The following CNTRL variants were observed in gnomAD, a reference collection of about 807,000 sequenced individuals.
CNTRL encodes the protein 110 kDa centrosomal protein.
Under a neutral mutation model 303.7 loss-of-function variants are expected in CNTRL, and 233 were observed. The observed-to-expected ratio is 0.77, with a 90% CI of 0.69 to 0.86. CNTRL has a LOEUF of 0.86. Among genes scored for constraint, CNTRL ranks in the 40% least tolerant of loss-of-function variants. The pLI is 0.00. For synonymous variants in CNTRL, 900 were observed against 922.2 expected, an observed-to-expected ratio of 0.98 and a Z score of 0.44; for missense variants, 2,524 against 2,650.6, an observed-to-expected ratio of 0.95 and a Z score of 1.05.
At chr9:121,132,611 T>C (rs951729914) in intron 14 of CNTRL, among the ~76,000 whole-genome samples, 1 of 152,236 alleles carries the variant, frequency 6.6e-6, no homozygotes, top group African/African-American at 2.4e-5. Flanking sequence ...TTGTTATTAC[T>C]GACCTTCTGA....
Position 121,088,473 on chromosome 9 carries a change from A to T in CNTRL, c.147A>T (p.Gly49=). 1 of 1,613,296 alleles carries T rather than the reference A, an allele frequency of 6.2e-7. No homozygotes were observed. Among genetic ancestry groups the T allele is most frequent in the Non-Finnish European group, 8.5e-7 (1 of 1,179,308 alleles). The part of the protein sequence containing the change: ...IGSETLPFHS[G]GQWCEQVEIA... ...CAGAGACTCTACCTTTTCATTCTGG[A>T]GGACAGTGGTGTGAGCAAGTTGAGA... is the stretch of plus-strand genomic sequence containing the variant. Residue 49 remains glycine (G), a synonymous_variant, in exon 3 of 44, where the codon GGA becomes GGT. Coordinates refer to ENST00000373855, the MANE Select transcript of CNTRL (RefSeq NM_007018.6).
chr9:121,123,874 T>A (rs1393320570), intron 12 of CNTRL, 57 bp from the exon 13 acceptor site: 4 of 1,327,918 alleles, frequency 3.0e-6, no homozygotes, highest in Non-Finnish European at 4.1e-6. Context: ...TAAGGGTTAT[T>A]ACTTTTAAAG....
chr9:121,145,801 CAGG>C (rs775644616), intron 22 of CNTRL, among the ~76,000 whole-genome samples: 3 of 152,118 alleles, frequency 2.0e-5, no homozygotes, highest in Non-Finnish European at 2.9e-5. Flanking sequence ...GAAGGTGAGG[CAGG>C]AGAATCACTT....
intron 2 of CNTRL, among the ~76,000 whole-genome samples, chr9:121,083,821 CAT>C (rs1471024794): frequency 1.3e-5 from 2 of 152,196 alleles, no homozygotes; most frequent in Non-Finnish European, 2.9e-5. Flanking sequence ...GACATTATGA[CAT>C]ATATGATGTT....
chr9:121,128,100 AAC>A (rs1397068050), intron 14 of CNTRL, among the ~76,000 whole-genome samples: 1 of 152,152 alleles, frequency 6.6e-6, no homozygotes, highest in African/African-American at 2.4e-5. Context: ...TGCCGCAATA[AAC>A]ACATGTGTGC....
At chr9:121,128,639 G>A (rs1184461438) in intron 14 of CNTRL, among the ~76,000 whole-genome samples, 4 of 151,958 alleles carry the variant, frequency 2.6e-5, no homozygotes, top group African/African-American at 9.7e-5. Context: ...GAAGCTCTTT[G>A]GTTTAATTAG....
intron 14 of CNTRL, among the ~76,000 whole-genome samples, chr9:121,131,116 G>T (rs2050827543): frequency 6.6e-6 from 1 of 152,194 alleles, no homozygotes; most frequent in African/African-American, 2.4e-5. Flanking sequence ...TGTTGATTTG[G>T]GGTGGAGAAT....
At chr9:121,104,985 C>T (rs139360043) in intron 7 of CNTRL, among the ~76,000 whole-genome samples, 1 of 152,322 alleles carries the variant, frequency 6.6e-6, no homozygotes, top group East Asian at 1.9e-4. Context: ...GCTGGCATTA[C>T]AGGCGTGAGC....
chr9:121,174,813 C>T (rs115022379), intron 42 of CNTRL, among the ~76,000 whole-genome samples: 394 of 152,190 alleles, frequency 2.6e-3, no homozygotes, highest in African/African-American at 9.0e-3. Context: ...TGAAAGACCC[C>T]GTTAATGACA....
chr9:121,088,679 G>A (rs1405775528), intron 3 of CNTRL, 136 bp downstream of exon 3: 1 of 608,228 alleles, frequency 1.6e-6, no homozygotes, highest in Non-Finnish European at 2.9e-6. Flanking sequence ...CAGAAATTAA[G>A]GACTGTAAGG....
chr9:121,147,072 G>C (rs2134125738), intron 23 of CNTRL, among the ~76,000 whole-genome samples: 1 of 152,304 alleles, frequency 6.6e-6, no homozygotes, highest in African/African-American at 2.4e-5. Flanking sequence ...GTGTGATCTT[G>C]GCTCCTTGCA....
chr9:121,084,504 G>A (rs150835068), intron 2 of CNTRL, among the ~76,000 whole-genome samples: 2 of 151,658 alleles, frequency 1.3e-5, no homozygotes, highest in East Asian at 3.9e-4. Flanking sequence ...TACGCACACT[G>A]TAGGCACAGC....
chr9:121,125,385 T>G (rs1471820825), intron 13 of CNTRL, among the ~76,000 whole-genome samples: 1 of 152,060 alleles, frequency 6.6e-6, no homozygotes, highest in East Asian at 1.9e-4. Context: ...GGTCTCGATC[T>G]CCTGACCTCA....
At chr9:121,150,129 A>C in intron 24 of CNTRL, 41 bp from the exon 25 acceptor site, 2 of 1,518,266 alleles carry the variant, frequency 1.3e-6, no homozygotes, top group Non-Finnish European at 8.9e-7. Flanking sequence ...GGGGTAAAAC[A>C]CTCTTTTGTT....
At chr9:121,169,533 CT>C in intron 38 of CNTRL, 77 bp from the exon 39 acceptor site, 7 of 1,387,996 alleles carry the variant, frequency 5.0e-6, no homozygotes, top group Non-Finnish European at 7.1e-6. Flanking sequence ...CATTATGCAT[CT>C]GCCACAAGGG....
At chr9:121,099,620 G>A (rs139120302) in intron 7 of CNTRL, among the ~76,000 whole-genome samples, 5,026 of 152,290 alleles carry the variant, frequency 0.033, 107 homozygotes, top group Non-Finnish European at 0.053. Flanking sequence ...CGAGCTAAAG[G>A]AGGATGTTTG....
chr9:121,147,423 G>A (rs983971120), intron 23 of CNTRL, among the ~76,000 whole-genome samples: 3 of 152,148 alleles, frequency 2.0e-5, no homozygotes, highest in Admixed American at 1.3e-4. Context: ...TGTAGTTTAG[G>A]AATAATATTC....
intron 8 of CNTRL, among the ~76,000 whole-genome samples, chr9:121,112,003 C>T (rs2049769534): frequency 6.6e-6 from 1 of 152,128 alleles, no homozygotes; most frequent in Non-Finnish European, 1.5e-5. Flanking sequence ...TCATCCTTCT[C>T]ATTCCTCTTT....
At chr9:121,141,913 G>C (rs1357936837) in intron 18 of CNTRL, among the ~76,000 whole-genome samples, 178 bp from the exon 19 acceptor site, 1 of 152,074 alleles carries the variant, frequency 6.6e-6, no homozygotes, top group Non-Finnish European at 1.5e-5. Flanking sequence ...TTAATGAAGA[G>C]GCAAACATTC....
Sources: allele counts gnomAD v4.1 joint callset (sites outside exome capture counted in the v4.1 genomes callset), GRCh38; gene constraint gnomAD v4.1.1; transcripts MANE v1.5; gene names NCBI Gene and HGNC (gene_info 2026-07-23, HGNC 2026-07-21).